PCDHGA6: variants seen among roughly 807,000 people sequenced by gnomAD.
PCDHGA6 encodes the protein protocadherin gamma subfamily A, 6, also known as protocadherin gamma-A6.
Under a neutral mutation model 60.6 loss-of-function variants are expected in PCDHGA6, and 41 were observed. The observed-to-expected ratio is 0.68, with a 90% CI of 0.53 to 0.88. The LOEUF (loss-of-function observed/expected upper bound fraction) is 0.88, where lower values mean the gene tolerates loss of function less well. PCDHGA6 is among the 40% of genes least tolerant of loss of function. PCDHGA6 has a pLI of 0.00. For synonymous variants in PCDHGA6, 594 were observed against 524.4 expected (o/e 1.13, Z -1.81); for missense variants, 1,312 against 1,203.0 (o/e 1.09, Z -1.34).
Position 141,419,681 on chromosome 5 carries a change from G to A in PCDHGA6, c.2424+43174G>A, listed in dbSNP as rs377117997. ...GCACAATGCCTGGCTGTCCTACCACGTGGTGCAGGCCAGTGAGCCCGGGCT... is the reference window on the plus strand; with the variant it reads ...GCACAATGCCTGGCTGTCCTACCACATGGTGCAGGCCAGTGAGCCCGGGCT... On this transcript the variant is annotated intron_variant, in intron 1 of 3. Coordinates refer to ENST00000517434, the MANE Select transcript of PCDHGA6 (RefSeq NM_018919.3). 76 of 1,612,904 alleles carry A rather than the reference G, an allele frequency of 4.7e-5. No homozygotes were observed. The highest frequency in any genetic ancestry group is 5.7e-5 in the Non-Finnish European group (67 of 1,179,706).
At chr5:141,387,816 C>T (rs1376270603) in intron 1 of PCDHGA6, 3 of 1,539,164 alleles carry the variant, frequency 1.9e-6, no homozygotes, top group African/African-American at 1.4e-5. Flanking sequence ...ATCCAAAAAT[C>T]TGCAATACAG....
intron 1 of PCDHGA6, chr5:141,378,905 C>T (rs1043140389): frequency 1.3e-5 from 2 of 152,088 alleles, no homozygotes; most frequent in African/African-American, 4.8e-5. Context: ...ATTCTGTTAT[C>T]GACAGTCTTC....
intron 2 of PCDHGA6, among the ~76,000 whole-genome samples, chr5:141,502,165 T>C (rs1017904375): frequency 1.8e-4 from 28 of 152,196 alleles, no homozygotes; most frequent in African/African-American, 6.3e-4. Context: ...AGATATTCAG[T>C]TGAGGAATTT....
chr5:141,394,529 C>T, intron 1 of PCDHGA6: 2 of 1,614,216 alleles, frequency 1.2e-6, no homozygotes, highest in Non-Finnish European at 8.5e-7. Flanking sequence ...CAGACGGTTC[C>T]ACTGGCGTGG....
intron 1 of PCDHGA6, among the ~76,000 whole-genome samples, chr5:141,465,279 C>T (rs975247599): frequency 3.3e-5 from 5 of 152,028 alleles, no homozygotes; most frequent in South Asian, 2.1e-4. Flanking sequence ...TTTAGTTCAC[C>T]CCTAAAGAAC....
At chr5:141,449,202 C>T (rs77980623) in intron 1 of PCDHGA6, among the ~76,000 whole-genome samples, 7,411 of 152,148 alleles carry the variant, frequency 0.049, 284 homozygotes, top group African/African-American at 0.1. Context: ...AGTGTTAATT[C>T]TAACTTTCTG....
Position 141,510,866 on chromosome 5 carries a change from C to G in PCDHGA6, c.2573-81C>G. 1.9e-6 allele frequency: 3 copies of G among 1,607,908 alleles called. No homozygotes were observed. The East Asian group carries it at 6.7e-5, about 36-fold the overall frequency. ...AGGCCCAGGGTGCTGTATAGGCATT[C>G]ATTAACTGCTGGGGATATAAGACAG... On this transcript the variant is annotated intron_variant, in intron 3 of 3. Coordinates refer to ENST00000517434, the MANE Select transcript of PCDHGA6 (RefSeq NM_018919.3).
chr5:141,441,672 GCCTTCGA>G (rs1327551430), intron 1 of PCDHGA6: 1 of 290,468 alleles, frequency 3.4e-6, no homozygotes, highest in Non-Finnish European at 6.8e-6. Flanking sequence ...CGCACAGTGC[GCCTTCGA>G]CCAAGAGCAG....
chr5:141,411,544 AC>A (rs2095497010), intron 1 of PCDHGA6: 1 of 152,298 alleles, frequency 6.6e-6, no homozygotes. Context: ...TGATCTTGCC[AC>A]TGCACTCCAG....
chr5:141,477,794 C>G lies in PCDHGA6; in HGVS notation c.2425-17013C>G, dbSNP rs148942362. The G allele has an allele frequency of 6.2e-7, 1 of 1,614,086 alleles. No individual in the cohort carries two copies. The highest frequency in any genetic ancestry group is 1.1e-5 in the South Asian group (1 of 91,082). On this transcript the variant is annotated intron_variant, in intron 1 of 3. Transcript: ENST00000517434. This position sits in a 1 kb window ranked among gnomAD's most constrained non-coding sequence, Gnocchi z 4.9. ...CAGCGTGAACATATTTGTCACTGAT[C>G]GCAATGACAATGCCCCCCAGGTCCT...
intron 1 of PCDHGA6, chr5:141,383,606 A>G (rs368778165): frequency 6.2e-7 from 1 of 1,613,768 alleles, no homozygotes; most frequent in Non-Finnish European, 8.5e-7. Flanking sequence ...GTGGATGTGA[A>G]TGACCACACG....
intron 1 of PCDHGA6, chr5:141,422,371 C>T (rs866886181): frequency 6.4e-7 from 1 of 1,567,212 alleles, no homozygotes; most frequent in South Asian, 1.2e-5. Context: ...AGAAAATGGT[C>T]AAGTCTCCTG....
chr5:141,489,013 C>T lies in PCDHGA6; in HGVS notation c.2425-5794C>T, dbSNP rs533320646. ...AGGTGGGAGATCTGCTCTTCCAGCC[C>T]GCCTCTCCTCCTCCAGCTCCCCAGC... On this transcript the variant is annotated intron_variant, in intron 1 of 3. Coordinates refer to ENST00000517434, the MANE Select transcript of PCDHGA6 (RefSeq NM_018919.3). The surrounding 1 kb of genome is among the most constrained non-coding windows in gnomAD (Gnocchi z 4.5). 4.6e-5 allele frequency: 20 copies of T among 438,612 alleles called. No homozygotes were observed. Among genetic ancestry groups the T allele is most frequent in the East Asian group, 2.7e-4 (8 of 29,802 alleles). The allele number at this position is 438,612 out of a possible 1,614,324, so 27.2% of individuals were successfully genotyped here.
At chr5:141,390,423 C>A in intron 1 of PCDHGA6, 1 of 1,058,544 alleles carries the variant, frequency 9.4e-7, no homozygotes, top group Non-Finnish European at 1.3e-6. Context: ...AGTTAAAAAG[C>A]TGTCATATCA....
chr5:141,444,565 C>G (rs2098441175), intron 1 of PCDHGA6, among the ~76,000 whole-genome samples: 1 of 152,124 alleles, frequency 6.6e-6, no homozygotes, highest in Non-Finnish European at 1.5e-5. Flanking sequence ...TTATTTGACA[C>G]TTTTGACTCT....
chr5:141,375,550 C>T lies in PCDHGA6; in HGVS notation c.1467C>T (p.Tyr489=), dbSNP rs770616547. The T allele has an allele frequency of 2.5e-6, 4 of 1,614,066 alleles. No homozygotes were observed. The highest frequency in any genetic ancestry group is 1.6e-4 in the Middle Eastern group (1 of 6,062). ...TGGACCAGAACGCCCAAGTCTCCTA[C>T]TCACTGGCAGAAGACACCCTCCAGG... ...PDVDQNAQVS[Y]SLAEDTLQGA... The change falls in exon 1 of 4, where the codon TAC becomes TAT. Residue 489 remains tyrosine, a synonymous_variant. Coordinates refer to ENST00000517434, the MANE Select transcript of PCDHGA6 (RefSeq NM_018919.3).
intron 1 of PCDHGA6, chr5:141,404,997 C>T: frequency 6.2e-7 from 1 of 1,614,034 alleles, no homozygotes; most frequent in East Asian, 2.2e-5. Flanking sequence ...CAGATCCCTG[C>T]AGACCTGGAG....
At chr5:141,481,913 C>CAAA (rs34114744) in intron 1 of PCDHGA6, among the ~76,000 whole-genome samples, 3 of 90,796 alleles carry the variant, frequency 3.3e-5, no homozygotes, top group Non-Finnish European at 4.4e-5. Flanking sequence ...AACTCCATCT[C>CAAA]AAAAAAAAAA....
intron 1 of PCDHGA6, chr5:141,384,288 G>T (rs1367965791): frequency 1.9e-6 from 3 of 1,613,666 alleles, no homozygotes; most frequent in Non-Finnish European, 2.5e-6. Flanking sequence ...ACATCGCTGA[G>T]AACAACCCCA....
Sources: allele counts gnomAD v4.1 joint callset (sites outside exome capture counted in the v4.1 genomes callset), GRCh38; gene constraint gnomAD v4.1.1; non-coding constraint Gnocchi (gnomAD v3.1); transcripts MANE v1.5; gene names NCBI Gene and HGNC (gene_info 2026-07-23, HGNC 2026-07-21).